The following AVEN variants were observed in gnomAD, a reference collection of about 807,000 sequenced individuals.
AVEN encodes cell death regulator Aven.
Under a neutral mutation model 38.1 loss-of-function variants are expected in AVEN, and 41 were observed. The observed-to-expected ratio is 1.08, with a 90% CI of 0.84 to 1.40. The LOEUF (loss-of-function observed/expected upper bound fraction) is 1.40, where lower values mean the gene tolerates loss of function less well. AVEN is among the 40% of genes most tolerant of loss of function. The probability of loss-of-function intolerance (pLI) is 0.00; values close to 1 mark genes in which losing one functional copy is unlikely to be tolerated. For missense variants in AVEN, 605 were observed against 438.8 expected (o/e 1.38, Z -3.38); for synonymous variants, 206 against 171.8 (o/e 1.20, Z -1.56).
intron 1 of AVEN, among the ~76,000 whole-genome samples, chr15:34,011,044 G>A (rs576060292): frequency 7.1e-4 from 108 of 152,166 alleles, no homozygotes; most frequent in African/African-American, 2.5e-3. Context: ...AAGTGTGCTA[G>A]GGCCGGGCAT....
chr15:33,905,577 C>A (rs1224321090), intron 2 of AVEN, among the ~76,000 whole-genome samples: 1 of 152,106 alleles, frequency 6.6e-6, no homozygotes, highest in Admixed American at 6.5e-5. Context: ...GGAATCCCAG[C>A]ATTTTGGGAG....
chr15:33,860,597 CT>C, intron 11 of AVEN: 1 of 1,579,188 alleles, frequency 6.3e-7, no homozygotes, highest in South Asian at 1.2e-5. Flanking sequence ...CATTCCAGGT[CT>C]TATTATTGAT....
chr15:33,866,809 CT>C, intron 5 of AVEN, 81 bp from the exon 6 acceptor site: 1 of 987,498 alleles, frequency 1.0e-6, no homozygotes, highest in Non-Finnish European at 1.6e-6. Context: ...TATTACTTTC[CT>C]TACAACAAGG....
At chr15:34,064,519 T>A in intron 4 of AVEN, 2 of 645,290 alleles carry the variant, frequency 3.1e-6, no homozygotes, top group Middle Eastern at 4.3e-4. Flanking sequence ...GACTCTTGCC[T>A]ATGACCAAGG....
At chr15:33,960,115 T>C (rs1273677503) in intron 2 of AVEN, among the ~76,000 whole-genome samples, 2 of 152,198 alleles carry the variant, frequency 1.3e-5, no homozygotes, top group Non-Finnish European at 2.9e-5. Flanking sequence ...TGGAGGTTTC[T>C]TTTAGAAATA....
chr15:33,970,362 T>C (rs1287588571), intron 2 of AVEN, among the ~76,000 whole-genome samples: 1 of 151,976 alleles, frequency 6.6e-6, no homozygotes, highest in Non-Finnish European at 1.5e-5. Flanking sequence ...TTACCTGTCA[T>C]TTTCCAGTAC....
intron 2 of AVEN, among the ~76,000 whole-genome samples, chr15:33,993,666 T>G (rs1302127759): frequency 6.6e-6 from 1 of 152,108 alleles, no homozygotes; most frequent in Non-Finnish European, 1.5e-5. Flanking sequence ...CCAACATAAA[T>G]AACAATCATC....
intron 1 of AVEN, among the ~76,000 whole-genome samples, chr15:34,026,179 T>C (rs72718666): frequency 0.026 from 3,946 of 152,328 alleles, 118 homozygotes; most frequent in Non-Finnish European, 0.028. Flanking sequence ...TTTCCACATA[T>C]TGTCATTTTT....
rs116720613 is a variant in AVEN, at chr15:33,903,011, T to C, written c.446-27016A>G. ...TTGGCCGCCAGGATCTGAATCCCCT[T>C]CCTAATCCTTAGCATCCCTCACCTT... On this transcript the variant is annotated intron_variant, in intron 2 of 5. Coordinates refer to ENST00000306730, the MANE Select transcript of AVEN (RefSeq NM_020371.3). Among the ~76,000 whole-genome samples, 1,378 of 152,226 alleles carry C rather than the reference T, an allele frequency of 9.1e-3. 16 individuals are homozygous for C. Among genetic ancestry groups the C allele is most frequent in the African/African-American group, 0.031 (1,305 of 41,530 alleles).
chr15:33,951,309 T>C (rs995138695), intron 2 of AVEN, among the ~76,000 whole-genome samples: 1 of 152,064 alleles, frequency 6.6e-6, no homozygotes, highest in Non-Finnish European at 1.5e-5. Context: ...TAACAATTAA[T>C]AGTTTGACCA....
intron 2 of AVEN, among the ~76,000 whole-genome samples, chr15:33,890,523 C>A (rs1891898132): frequency 6.6e-6 from 1 of 152,146 alleles, no homozygotes; most frequent in African/African-American, 2.4e-5. Flanking sequence ...GGGGGGAAAT[C>A]ATGTTACTTT....
intron 2 of AVEN, chr15:33,968,818 A>G (rs1320117455): frequency 1.3e-5 from 2 of 152,130 alleles, no homozygotes; most frequent in Non-Finnish European, 2.9e-5. Context: ...ATATAGGAAC[A>G]ACCAGGATTT....
At chr15:33,915,889 G>A (rs922922902) in intron 2 of AVEN, among the ~76,000 whole-genome samples, 3 of 152,094 alleles carry the variant, frequency 2.0e-5, no homozygotes, top group Admixed American at 6.6e-5. Context: ...CGTGGGAGCT[G>A]GGTAAGGGCT....
chr15:33,913,286 A>G (rs28556761), intron 2 of AVEN, among the ~76,000 whole-genome samples: 4,860 of 152,338 alleles, frequency 0.032, 259 homozygotes, highest in African/African-American at 0.11. Flanking sequence ...ACAAGGGCTG[A>G]AACCAAATGT....
chr15:33,859,436 A>C (rs979885070), intron 11 of AVEN: 2 of 797,638 alleles, frequency 2.5e-6, no homozygotes. Context: ...TAGCAGCATG[A>C]ATACTGGCAC....
At chr15:34,058,560 A>ACACACG in intron 5 of AVEN, among the ~76,000 whole-genome samples, 1 of 140,344 alleles carries the variant, frequency 7.1e-6, no homozygotes, top group South Asian at 2.2e-4. Flanking sequence ...ATTCTAACAC[A>ACACACG]CACACACACA....
chr15:33,981,441 A>G (rs147103037), intron 2 of AVEN, among the ~76,000 whole-genome samples: 2 of 131,250 alleles, frequency 1.5e-5, no homozygotes, highest in African/African-American at 5.2e-5. Flanking sequence ...AACTAAACAT[A>G]ACCAAGTTTT....
chr15:33,863,740 ATAAT>A (rs1456957351), downstream of AVEN, among the ~76,000 whole-genome samples: 7 of 152,348 alleles, frequency 4.6e-5, no homozygotes, highest in Middle Eastern at 3.4e-3. Context: ...AGACACACAC[ATAAT>A]TAATTTCAAT....
chr15:34,032,838 A>C (rs1898925564), intron 1 of AVEN, among the ~76,000 whole-genome samples: 1 of 152,344 alleles, frequency 6.6e-6, no homozygotes, highest in South Asian at 2.1e-4. Context: ...GAGGATGTGT[A>C]ACTCTAAAGA....
Sources: gnomAD v4.1 joint callset for allele counts (sites outside exome capture counted in the v4.1 genomes callset) on GRCh38, gnomAD v4.1.1 for gene constraint, MANE v1.5 for transcripts, NCBI Gene and HGNC (gene_info 2026-07-23, HGNC 2026-07-21) for gene names.